DSPP: variants seen among roughly 807,000 people sequenced by gnomAD.
The protein encoded by DSPP is dentin sialophosphoprotein.
DSPP carries 28 observed loss-of-function variants against 29.1 expected under a neutral mutation model. The ratio of observed to expected loss-of-function variants is 0.96; its 90% confidence interval spans 0.71 to 1.32. The LOEUF is 1.32. Among genes scored for constraint, DSPP ranks in the 40% most tolerant of loss-of-function variants. DSPP has a pLI of 0.00. For missense variants in DSPP, 1,281 were observed against 1,629.9 expected (o/e 0.79, Z 3.69); for synonymous variants, 481 against 503.4 (o/e 0.96, Z 0.60).
At position 87,615,116 on chromosome 4, in the gene DSPP, C is replaced by A. The variant is rs368694649; in HGVS notation, c.2454C>A (p.Ser818Arg). Residue 818 changes from serine (S) to arginine (R), a missense_variant, in exon 5 of 5, where the codon AGC (serine) becomes AGA (arginine). Physicochemically the swap from Ser to Arg is moderately radical, Grantham distance 110. Around this residue, in one of 4 missense-constraint regions of DSPP, gnomAD observed 444 missense variants for 611.4 expected, o/e 0.73. Transcript: ENST00000651931. ...GTGATAGCAGTGACAGCAGTGATAG[C>A]GACAGCAGCAATAGCAGTGACAGCA... ...DSSDSSDSSD[S>R]DSSNSSDSSN... The A allele has an allele frequency of 1.3e-6, 2 of 1,547,030 alleles. No individual in the cohort carries two copies. The highest frequency in any genetic ancestry group is 1.4e-5 in the African/African-American group (1 of 72,042).
Position 87,614,028 on chromosome 4 carries a change from G to A in DSPP, c.1366G>A (p.Asp456Asn). ...TGATGGATATGACAGTTATGATTTT[G>A]ATGATAAGTCCATGCAAGGAGATGA... ...NSDGYDSYDF[D>N]DKSMQGDDPN... Residue 456 changes from aspartate (D) to asparagine (N), a missense_variant, in exon 5 of 5, where the codon GAT (aspartate) becomes AAT (asparagine). Physicochemically the swap from Asp to Asn is conservative, Grantham distance 23. Around this residue, in one of 4 missense-constraint regions of DSPP, gnomAD observed 631 missense variants for 643.2 expected, o/e 0.98. Transcript: ENST00000651931. 2 of 1,614,222 alleles carry A rather than the reference G, an allele frequency of 1.2e-6. No individual in the cohort carries two copies. Among genetic ancestry groups the A allele is most frequent in the Non-Finnish European group, 1.7e-6 (2 of 1,180,036 alleles).
chr4:87,616,412 T>C lies in DSPP; in HGVS notation c.3750T>C (p.Ser1250=), dbSNP rs1578142791. The part of the protein sequence containing the change: ...SSDSSDSSNS[S]DSSDSSDSSD... ...ATAGCAGTGACAGCAGCAACAGCAG[T>C]GACAGCAGCGACAGCAGTGATAGCA... Residue 1250 remains serine (S), a synonymous_variant, in exon 5 of 5, where the codon AGT becomes AGC. Coordinates refer to ENST00000651931, the MANE Select transcript of DSPP (RefSeq NM_014208.3). 7 of 1,548,510 alleles carry C rather than the reference T, an allele frequency of 4.5e-6. No individual in the cohort carries two copies. Among genetic ancestry groups the C allele is most frequent in the Admixed American group, 2.0e-5 (1 of 50,796 alleles).
chr4:87,616,300 G>A lies in DSPP; in HGVS notation c.3638G>A (p.Ser1213Asn), dbSNP rs1285554653. ...DSSDSSDSSD[S>N]SDSSDSSDSS... ...AGTGATAGCAGTGACAGCAGTGACA[G>A]CAGCGACAGCAGTGACAGCAGCGAC... Residue 1213 changes from serine (S) to asparagine (N), a missense_variant, in exon 5 of 5, where the codon AGC becomes AAC. Coordinates refer to ENST00000651931, the MANE Select transcript of DSPP (RefSeq NM_014208.3). 7.3e-7 allele frequency: 1 copy of A among 1,362,282 alleles called. No homozygotes were observed. The highest frequency in any genetic ancestry group is 9.9e-7 in the Non-Finnish European group (1 of 1,013,068). The allele number at this position is 1,362,282 out of a possible 1,614,324, so 84.4% of individuals were successfully genotyped here.
rs1479682769 is a variant in DSPP, at chr4:87,615,108, A to G, written c.2446A>G (p.Ser816Gly). 6.4e-7 allele frequency: 1 copy of G among 1,550,804 alleles called. No individual in the cohort carries two copies. Among genetic ancestry groups the G allele is most frequent in the East Asian group, 2.4e-5 (1 of 40,874 alleles). Residue 816 changes from serine (S) to glycine (G), a missense_variant, in exon 5 of 5, where the codon AGT becomes GGT. Transcript: ENST00000651931. ...TGATAGCAGTGATAGCAGTGACAGC[A>G]GTGATAGCGACAGCAGCAATAGCAG... ...SSDSSDSSDS[S>G]DSDSSNSSDS... is the part of the protein sequence containing the mutation.
At position 87,612,900 on chromosome 4, in the gene DSPP, C is replaced by T; in HGVS notation, c.714C>T (p.Gly238=). ...EVTPGTGEDA[G]LDNSDGSPSG... is the part of the protein sequence containing the mutation. ...CACCAGGCACTGGAGAAGATGCTGG[C>T]CTGGATAATTCCGATGGGAGTCCTA... is the stretch of plus-strand genomic sequence containing the variant. Residue 238 remains glycine (G), a synonymous_variant, in exon 4 of 5, where the codon GGC becomes GGT. Transcript: ENST00000651931. The T allele has an allele frequency of 2.5e-6, 4 of 1,614,114 alleles. No individual in the cohort carries two copies. The highest frequency in any genetic ancestry group is 3.4e-6 in the Non-Finnish European group (4 of 1,180,008).
Position 87,616,376 on chromosome 4 carries a change from TGACAGCAGC to T in DSPP, c.3717_3725del (p.Asp1245_Ser1247del). ...ACAGCAATGAAAGCAGCGACAGCAGTGACAGCAGCGATAGCAGTGACAGCAGCAACAGCA... is the reference window on the plus strand; with the variant it reads ...ACAGCAATGAAAGCAGCGACAGCAGTGATAGCAGTGACAGCAGCAACAGCA... On this transcript the variant is annotated inframe_deletion, in exon 5 of 5. Transcript: ENST00000651931. 6.6e-7 allele frequency: 1 copy of T among 1,514,322 alleles called. No homozygotes were observed. The highest frequency in any genetic ancestry group is 2.1e-5 in the Admixed American group (1 of 48,284). The allele number at this position is 1,514,322 out of a possible 1,614,324, so 93.8% of individuals were successfully genotyped here.
Position 87,616,630 on chromosome 4 carries a change from A to G in DSPP, c.*62A>G. On this transcript the variant is annotated 3_prime_UTR_variant, in exon 5 of 5. Coordinates refer to ENST00000651931, the MANE Select transcript of DSPP (RefSeq NM_014208.3). The stretch of plus-strand genomic sequence containing the variant: ...AGTTTGGTAATGGGATAGGAAAAAA[A>G]GATTTCCAAGAAAGTAAAGAAAGGG... 1 of 1,550,666 alleles carries G rather than the reference A, an allele frequency of 6.4e-7. No individual in the cohort carries two copies. Among genetic ancestry groups the G allele is most frequent in the South Asian group, 1.2e-5 (1 of 83,994 alleles).
chr4:87,610,252 G>A (rs1727709527), intron 1 of DSPP, among the ~76,000 whole-genome samples: 1 of 152,054 alleles, frequency 6.6e-6, no homozygotes, highest in South Asian at 2.1e-4. Context: ...CGTCAGAGAG[G>A]GCTTCTCAGA....
intron 1 of DSPP, among the ~76,000 whole-genome samples, chr4:87,610,003 C>T (rs1727704086): frequency 6.6e-6 from 1 of 152,174 alleles, no homozygotes; most frequent in Non-Finnish European, 1.5e-5. Context: ...TGAAGCAATG[C>T]TAGATATTGC....
chr4:87,614,214 A>C lies in DSPP; in HGVS notation c.1552A>C (p.Thr518Pro), dbSNP rs1161606112. The change falls in exon 5 of 5, where the codon ACA becomes CCA. Residue 518 changes from threonine (T) to proline (P), a missense_variant. Coordinates refer to ENST00000651931, the MANE Select transcript of DSPP (RefSeq NM_014208.3). ...AGCAGAAGATGATGACAGTGATAGC[A>C]CATCAGACACTAATAATAGTGACAG... ...KGAEDDDSDS[T>P]SDTNNSDSNG... 1 of 1,614,280 alleles carries C rather than the reference A, an allele frequency of 6.2e-7. No individual in the cohort carries two copies. Among genetic ancestry groups the C allele is most frequent in the East Asian group, 2.2e-5 (1 of 44,888 alleles).
chr4:87,610,912 A>G lies in DSPP; in HGVS notation c.4A>G (p.Lys2Glu), dbSNP rs2109994803. The G allele has an allele frequency of 1.9e-6, 3 of 1,612,986 alleles. No individual in the cohort carries two copies. Among genetic ancestry groups the G allele is most frequent in the African/African-American group, 1.3e-5 (1 of 74,998 alleles). M[K>E]IITYFCIWAV... is the part of the protein sequence containing the mutation. ...ATTATTATTATTCCTAAAGAAAATG[A>G]AGATAATTACATATTTTTGCATTTG... Residue 2 changes from lysine (K) to glutamate (E), a missense_variant, in exon 2 of 5, where the codon AAG (lysine) becomes GAG (glutamate). Around this residue, in one of 4 missense-constraint regions of DSPP, gnomAD observed 631 missense variants for 643.2 expected, o/e 0.98. Coordinates refer to ENST00000651931, the MANE Select transcript of DSPP (RefSeq NM_014208.3).
chr4:87,613,649 T>A (rs1727784919), intron 4 of DSPP, 136 bp from the exon 5 acceptor site: 1 of 1,309,616 alleles, frequency 7.6e-7, no homozygotes, highest in Non-Finnish European at 1.1e-6. Context: ...AAGCACATTT[T>A]CACAAATAAC....
chr4:87,610,642 T>C (rs1727715819), intron 1 of DSPP, among the ~76,000 whole-genome samples: 1 of 152,166 alleles, frequency 6.6e-6, no homozygotes, highest in Admixed American at 6.5e-5. Flanking sequence ...TTTGTACCTA[T>C]TATGGCGTTT....
intron 4 of DSPP, 80 bp from the exon 5 acceptor site, chr4:87,613,705 C>G: frequency 1.3e-6 from 2 of 1,599,002 alleles, no homozygotes; most frequent in Non-Finnish European, 1.7e-6. Flanking sequence ...GCAACTTTTC[C>G]CAGTTATTCT....
Position 87,612,155 on chromosome 4 carries a change from G to C in DSPP, c.102G>C (p.Leu34Phe), listed in dbSNP as rs956897515. ...LERHVEKSMN[L>F]HLLARSNVSV... is the part of the protein sequence containing the mutation. Reference sequence around the variant, plus strand: ...GACATGTCGAAAAATCCATGAATTTGCATCTCCTAGCAAGATCAAATGTGT... The same window carrying C: ...GACATGTCGAAAAATCCATGAATTTCCATCTCCTAGCAAGATCAAATGTGT... The change falls in exon 3 of 5, where the codon TTG (leucine) becomes TTC (phenylalanine). Residue 34 changes from leucine (L) to phenylalanine (F), a missense_variant. Physicochemically the swap from Leu to Phe is conservative, Grantham distance 22. Coordinates refer to ENST00000651931, the MANE Select transcript of DSPP (RefSeq NM_014208.3). 5 of 1,613,930 alleles carry C rather than the reference G, an allele frequency of 3.1e-6. No homozygotes were observed. The highest frequency in any genetic ancestry group is 3.4e-6 in the Non-Finnish European group (4 of 1,179,896).
At position 87,615,866 on chromosome 4, in the gene DSPP, T is replaced by C. The variant is rs370264407; in HGVS notation, c.3204T>C (p.Asp1068=). Residue 1068 remains aspartate, a synonymous_variant, in exon 5 of 5, where the codon GAT becomes GAC. Coordinates refer to ENST00000651931, the MANE Select transcript of DSPP (RefSeq NM_014208.3). ...SDSSDSSDSS[D]SSDSSDSSDS... ...GCAGTGACAGCAGCGACAGCAGTGA[T>C]AGCAGTGACAGCAGTGACAGCAGCG... 6.6e-3 allele frequency: 9,772 copies of C among 1,479,016 alleles called. 258 individuals carry two copies. Among genetic ancestry groups the C allele is most frequent in the Non-Finnish European group, 6.6e-3 (7,303 of 1,102,802 alleles). The allele number at this position is 1,479,016 out of a possible 1,614,324, so 91.6% of individuals were successfully genotyped here. A position where few individuals can be genotyped will look rare whatever the true frequency, so the allele number is the denominator to read the frequency against.
Position 87,614,128 on chromosome 4 carries a change from G to A in DSPP, c.1466G>A (p.Gly489Glu), listed in dbSNP as rs1727800226. The change falls in exon 5 of 5, where the codon GGA (glycine) becomes GAA (glutamate). Residue 489 changes from glycine to glutamate, a missense_variant. Transcript: ENST00000651931. ...AGTGACAATAACAGCAGTAGCCGAG[G>A]AGATGCTTCTTATAACTCTGATGAA... ...SESDNNSSSR[G>E]DASYNSDESK... is the part of the protein sequence containing the mutation. 10 of 1,614,222 alleles carry A rather than the reference G, an allele frequency of 6.2e-6. No homozygotes were observed. Among genetic ancestry groups the A allele is most frequent in the Non-Finnish European group, 8.5e-6 (10 of 1,180,042 alleles).
At position 87,612,189 on chromosome 4, in the gene DSPP, G is replaced by A. The variant is rs1560477489; in HGVS notation, c.135+1G>A. On this transcript the variant is annotated splice_donor_variant, in intron 3 of 4. Coordinates refer to ENST00000651931, the MANE Select transcript of DSPP (RefSeq NM_014208.3). LOFTEE classifies it high-confidence loss of function. Reference sequence around the variant, plus strand: ...AGCAAGATCAAATGTGTCAGTACAGGTATAGGATGTAATATATTTCATTTT... The same window carrying A: ...AGCAAGATCAAATGTGTCAGTACAGATATAGGATGTAATATATTTCATTTT... 1 of 1,613,910 alleles carries A rather than the reference G, an allele frequency of 6.2e-7. No homozygotes were observed. The highest frequency in any genetic ancestry group is 8.5e-7 in the Non-Finnish European group (1 of 1,179,868).
In DSPP at chr4:87,612,831, T is replaced by A; in HGVS notation, c.645T>A (p.Pro215=). 6.2e-7 allele frequency: 1 copy of A among 1,614,036 alleles called. No individual in the cohort carries two copies. The highest frequency in any genetic ancestry group is 8.5e-7 in the Non-Finnish European group (1 of 1,180,002). ...RNEGNTSEIT[P]QINSKRNGTK... ...AGGGTAATACAAGTGAAATAACACC[T>A]CAGATCAACAGCAAGAGAAATGGGA... The change falls in exon 4 of 5, where the codon CCT becomes CCA. Residue 215 remains proline (P), a synonymous_variant. Transcript: ENST00000651931.
Sources: gnomAD v4.1 joint callset for allele counts (sites outside exome capture counted in the v4.1 genomes callset) on GRCh38, gnomAD v4.1.1 for gene constraint, gnomAD v4.1.1 regional missense constraint, MANE v1.5 for transcripts, NCBI Gene and HGNC (gene_info 2026-07-23, HGNC 2026-07-21) for gene names.